The following C9orf85 variants were observed in gnomAD, a reference collection of about 807,000 sequenced individuals.
C9orf85 encodes the protein chromosome 9 open reading frame 85, also known as uncharacterized protein C9orf85.
C9orf85 carries 16 observed loss-of-function variants against 14.9 expected under a neutral mutation model. That is an observed-to-expected ratio of 1.08 (90% CI 0.73 to 1.63). The LOEUF is 1.63. Among genes scored for constraint, C9orf85 ranks in the 40% most tolerant of loss-of-function variants. The pLI, the probability that C9orf85 is intolerant of heterozygous loss-of-function variation, is 0.00. For missense variants in C9orf85, 172 were observed against 186.1 expected (o/e 0.92, Z 0.44); for synonymous variants, 45 against 56.8 (o/e 0.79, Z 0.93).
At chr9:71,936,715 G>A (rs988905863) in intron 1 of C9orf85, among the ~76,000 whole-genome samples, 2 of 150,414 alleles carry the variant, frequency 1.3e-5, no homozygotes, top group Non-Finnish European at 2.9e-5. Flanking sequence ...AACACGCCTT[G>A]CTGAATTGGA....
At chr9:71,941,028 T>C (rs1821914906) in intron 1 of C9orf85, among the ~76,000 whole-genome samples, 1 of 152,166 alleles carries the variant, frequency 6.6e-6, no homozygotes, top group African/African-American at 2.4e-5. Context: ...TAGAGAACTT[T>C]TTGGAGTGAT....
chr9:71,912,698 A>C (rs2132234972), intron 1 of C9orf85, among the ~76,000 whole-genome samples: 1 of 152,296 alleles, frequency 6.6e-6, no homozygotes, highest in East Asian at 1.9e-4. Context: ...CGACCTGGCC[A>C]ACATGGCGAA....
chr9:71,958,032 A>G (rs1822422331), intron 2 of C9orf85, among the ~76,000 whole-genome samples: 1 of 151,892 alleles, frequency 6.6e-6, no homozygotes, highest in African/African-American at 2.4e-5. Flanking sequence ...AAAGGTTGAA[A>G]CCAGAACAGT....
downstream of C9orf85, among the ~76,000 whole-genome samples, chr9:71,974,026 A>G (rs1449086026): frequency 1.3e-5 from 2 of 151,782 alleles, no homozygotes; most frequent in South Asian, 2.1e-4. Context: ...TCCTGGGTTC[A>G]AGCGATTCTC....
intron 1 of C9orf85, among the ~76,000 whole-genome samples, chr9:71,927,284 A>T (rs1313589571): frequency 3.3e-5 from 5 of 150,724 alleles, no homozygotes; most frequent in African/African-American, 1.2e-4. Context: ...AAAAAAAAAA[A>T]AGTATACATT....
intron 2 of C9orf85, among the ~76,000 whole-genome samples, chr9:71,969,849 T>G (rs1028559323): frequency 6.6e-6 from 1 of 152,212 alleles, no homozygotes; most frequent in African/African-American, 2.4e-5. Context: ...TGTTTTATTT[T>G]CTAAATATTT....
chr9:71,981,744 T>C (rs1589279139), intron 3 of C9orf85, among the ~76,000 whole-genome samples: 1 of 152,218 alleles, frequency 6.6e-6, no homozygotes, highest in South Asian at 2.1e-4. Context: ...ATTGTGGGGC[T>C]ATGATTTTTT....
At position 71,971,504 on chromosome 9, in the gene C9orf85, G is replaced by C. The variant is rs1822862225; in HGVS notation, c.210-1G>C. ...AGTTAACATTTTATTTTTTATTTTA[G>C]TGTTAAATGTTTACAAAAGACAGTG... On this transcript the variant is annotated splice_acceptor_variant, in intron 2 of 3. Coordinates refer to ENST00000334731, the MANE Select transcript of C9orf85 (RefSeq NM_182505.5). LOFTEE classifies it high-confidence loss of function. 2 of 1,503,404 alleles carry C rather than the reference G, an allele frequency of 1.3e-6. No individual in the cohort carries two copies. The highest frequency in any genetic ancestry group is 1.8e-6 in the Non-Finnish European group (2 of 1,097,278). 93.1% of individuals were successfully genotyped at this position (1,503,404 alleles called of 1,614,324 possible).
At chr9:71,932,979 A>G (rs1272003929) in intron 1 of C9orf85, among the ~76,000 whole-genome samples, 3 of 152,224 alleles carry the variant, frequency 2.0e-5, no homozygotes, top group Non-Finnish European at 2.9e-5. Flanking sequence ...ACTGAAGTGA[A>G]AAATTTACTA....
intron 2 of C9orf85, among the ~76,000 whole-genome samples, chr9:71,964,560 C>T (rs1356482038): frequency 6.6e-6 from 1 of 151,968 alleles, no homozygotes; most frequent in Non-Finnish European, 1.5e-5. Flanking sequence ...TGCAGCCTCA[C>T]TCTTGAGCCA....
At chr9:71,915,440 G>A (rs1478084714) in intron 1 of C9orf85, among the ~76,000 whole-genome samples, 2 of 151,948 alleles carry the variant, frequency 1.3e-5, no homozygotes, top group African/African-American at 2.4e-5. Flanking sequence ...GCCTCCCAAG[G>A]TGCTGGGATT....
chr9:71,939,209 T>C (rs1247150241), intron 1 of C9orf85, among the ~76,000 whole-genome samples: 2 of 151,908 alleles, frequency 1.3e-5, no homozygotes, highest in East Asian at 3.8e-4. Flanking sequence ...AATGCTATAT[T>C]ATTGTATGAT....
At chr9:71,980,345 T>G (rs1432470024) in intron 3 of C9orf85, among the ~76,000 whole-genome samples, 1 of 152,172 alleles carries the variant, frequency 6.6e-6, no homozygotes. Context: ...AAGAGTTATT[T>G]ATTTCTTTTG....
At position 71,914,328 on chromosome 9, in the gene C9orf85, A is replaced by AT. The variant is rs546012682; in HGVS notation, c.102+2505dup. 6.9e-3 allele frequency among the ~76,000 whole-genome samples: 998 copies of AT among 144,666 alleles called. 6 individuals are homozygous for AT. The highest frequency in any genetic ancestry group is 0.017 in the Middle Eastern group (5 of 286). The allele number at this position is 144,666 out of a possible 152,430, so 94.9% of individuals were successfully genotyped here. On this transcript the variant is annotated intron_variant, in intron 1 of 3. Transcript: ENST00000334731. Reference sequence around the variant, plus strand: ...TAAAACATTATGAGATTTTTTTGTGATTTTTTTTTTTTTAAGCTCATCAGT... The same window carrying AT: ...TAAAACATTATGAGATTTTTTTGTGATTTTTTTTTTTTTTAAGCTCATCAGT...
intron 1 of C9orf85, among the ~76,000 whole-genome samples, chr9:71,912,347 G>C (rs1013855005): frequency 2.6e-5 from 4 of 152,164 alleles, no homozygotes; most frequent in African/African-American, 9.7e-5. Flanking sequence ...TTTGGTTAAT[G>C]TAAAAATACT....
chr9:71,919,958 T>C (rs1827752997), intron 1 of C9orf85, among the ~76,000 whole-genome samples: 1 of 151,928 alleles, frequency 6.6e-6, no homozygotes, highest in South Asian at 2.1e-4. Context: ...CAAGCACTTC[T>C]CCTGCCTCAG....
At chr9:71,979,214 A>C (rs540653139) in intron 3 of C9orf85, among the ~76,000 whole-genome samples, 1 of 152,200 alleles carries the variant, frequency 6.6e-6, no homozygotes, top group Non-Finnish European at 1.5e-5. Flanking sequence ...TCTGAGGCAG[A>C]ATGATCTGAA....
chr9:71,946,879 C>G (rs1564091755), intron 1 of C9orf85, 127 bp from the exon 2 acceptor site: 1 of 539,230 alleles, frequency 1.9e-6, no homozygotes, highest in Non-Finnish European at 3.3e-6. Flanking sequence ...CATAATATAT[C>G]ATAAATTGTT....
intron 2 of C9orf85, among the ~76,000 whole-genome samples, chr9:71,969,572 T>C (rs1470484298): frequency 1.3e-5 from 2 of 152,150 alleles, no homozygotes; most frequent in Non-Finnish European, 2.9e-5. Flanking sequence ...ATTGATTTTA[T>C]TTTTCTGTTT....
Sources: gnomAD v4.1 joint callset for allele counts (sites outside exome capture counted in the v4.1 genomes callset) on GRCh38, gnomAD v4.1.1 for gene constraint, MANE v1.5 for transcripts, NCBI Gene and HGNC (gene_info 2026-07-23, HGNC 2026-07-21) for gene names.